The following RAD23B variants were observed in gnomAD, a reference collection of about 807,000 sequenced individuals.
The protein encoded by RAD23B is lysine-specific demethylase RAD23B.
In RAD23B, 5 loss-of-function variants were observed where a neutral mutation model predicts 49.1. The ratio of observed to expected loss-of-function variants is 0.10; its 90% CI spans 0.05 to 0.21. RAD23B has a LOEUF of 0.21. Among genes scored for constraint, RAD23B ranks in the 10% least tolerant of loss-of-function variants. RAD23B has a pLI of 1.00. For synonymous variants in RAD23B, 184 were observed against 165.4 expected (o/e 1.11, Z -0.86); for missense variants, 356 against 486.7 (o/e 0.73, Z 2.53).
intron 3 of RAD23B, among the ~76,000 whole-genome samples, chr9:107,302,604 TAACTA>T (rs1826676971): frequency 6.6e-6 from 1 of 151,540 alleles, no homozygotes; most frequent in South Asian, 2.1e-4. Context: ...AGGGAAAAGA[TAACTA>T]AAGAAATGAT....
At chr9:107,313,229 CTTCCTTTCCTT>C (rs974846598) in intron 5 of RAD23B, among the ~76,000 whole-genome samples, 1 of 150,540 alleles carries the variant, frequency 6.6e-6, no homozygotes, top group African/African-American at 2.4e-5. Flanking sequence ...TCTTTTCTTT[CTTCCTTTCCTT>C]TTCCTTTCGT....
At chr9:107,287,449 T>G (rs1833294637) in intron 1 of RAD23B, among the ~76,000 whole-genome samples, 1 of 152,236 alleles carries the variant, frequency 6.6e-6, no homozygotes, top group Non-Finnish European at 1.5e-5. Context: ...TACATATACA[T>G]TGGATGTTTT....
rs1833199444 is a variant in RAD23B, at chr9:107,283,512, C to CAAGGCG, written c.-118_-117insAAGGCG. 1.5e-6 allele frequency: 1 copy of CAAGGCG among 685,478 alleles called. No homozygotes were observed. Among genetic ancestry groups the CAAGGCG allele is most frequent in the Admixed American group, 4.3e-5 (1 of 23,198 alleles). The allele number at this position is 685,478 out of a possible 1,614,324, so 42.5% of individuals were successfully genotyped here. The stretch of plus-strand genomic sequence containing the variant: ...GAATGTGACAAGCCCCCACCCCCAC[C>CAAGGCG]GCCTTCCTCCCCAGAGCGCGAGGAG... On this transcript the variant is annotated 5_prime_UTR_variant, in exon 1 of 10. Coordinates refer to ENST00000358015, the MANE Select transcript of RAD23B (RefSeq NM_002874.5).
chr9:107,285,750 TA>T (rs367850905), intron 1 of RAD23B, among the ~76,000 whole-genome samples: 1 of 152,334 alleles, frequency 6.6e-6, no homozygotes, highest in East Asian at 1.9e-4. Flanking sequence ...GCTGTTAGTA[TA>T]AAAAAACTAA....
intron 4 of RAD23B, among the ~76,000 whole-genome samples, chr9:107,308,239 G>A (rs1329190870): frequency 4.4e-5 from 6 of 134,880 alleles, no homozygotes; most frequent in African/African-American, 1.7e-4. Context: ...TTTTTTTGGA[G>A]ACAGAGTCTT....
chr9:107,285,902 G>A (rs879697761), intron 1 of RAD23B, among the ~76,000 whole-genome samples: 5 of 152,116 alleles, frequency 3.3e-5, no homozygotes, highest in African/African-American at 2.4e-5. Context: ...TGTTTGTAGT[G>A]GGTTTTAATT....
chr9:107,320,706 G>A (rs1827092631), intron 6 of RAD23B, among the ~76,000 whole-genome samples: 1 of 152,214 alleles, frequency 6.6e-6, no homozygotes, highest in African/African-American at 2.4e-5. Flanking sequence ...TAGCAATAAA[G>A]ATGAACTTTT....
rs1827321941 is a variant in RAD23B at position 107,332,168 on chromosome 9, A to G, written c.*2512A>G. The G allele has an allele frequency of 6.2e-6, 1 of 162,518 alleles. No individual in the cohort carries two copies. The highest frequency in any genetic ancestry group is 1.3e-5 in the Non-Finnish European group (1 of 75,170). The allele number at this position is 162,518 out of a possible 1,614,324, so 10.1% of individuals were successfully genotyped here. On this transcript the variant is annotated 3_prime_UTR_variant, in exon 10 of 10. Coordinates refer to ENST00000358015, the MANE Select transcript of RAD23B (RefSeq NM_002874.5). ...GGATGGCTAGGATTCTAGAGAATTG[A>G]TTATAAAATATTTTCAATACATCCA...
chr9:107,299,775 C>T (rs1260183189), intron 1 of RAD23B, among the ~76,000 whole-genome samples: 2 of 152,088 alleles, frequency 1.3e-5, no homozygotes, highest in Non-Finnish European at 2.9e-5. Context: ...GTTGATGAGA[C>T]TGTTTTATTT....
rs570992833 is a variant in RAD23B, at chr9:107,319,842, A to G, written c.681+963A>G. 1.2e-4 allele frequency among the ~76,000 whole-genome samples: 18 copies of G among 152,320 alleles called. No homozygotes were observed. The South Asian group carries it at 3.3e-3, about 28-fold the overall frequency. ...CTTGGTATTAAGATGAAAGTCTGCT[A>G]GTTTTACAGATGTGACACAGGCTAA... On this transcript the variant is annotated intron_variant, in intron 6 of 9. Transcript: ENST00000358015.
intron 5 of RAD23B, among the ~76,000 whole-genome samples, chr9:107,316,534 G>A (rs1025639397): frequency 6.6e-6 from 1 of 152,114 alleles, no homozygotes; most frequent in African/African-American, 2.4e-5. Context: ...GTTGCTTTGT[G>A]CTCGAATTAT....
Position 107,321,978 on chromosome 9 carries a change from T to TA in RAD23B, c.682-4dup. 1 of 1,600,560 alleles carries TA rather than the reference T, an allele frequency of 6.2e-7. No homozygotes were observed. The highest frequency in any genetic ancestry group is 8.5e-7 in the Non-Finnish European group (1 of 1,175,304). On this transcript the variant is annotated splice_region_variant and splice_polypyrimidine_tract_variant and intron_variant, in intron 6 of 9. Coordinates refer to ENST00000358015, the MANE Select transcript of RAD23B (RefSeq NM_002874.5). ...ATATCTTAAAGCTTGGAAATTCTAT[T>TA]ACAGGGAATCCCTGGAGATAGAGAA...
At chr9:107,302,899 G>A (rs919761691) in intron 3 of RAD23B, among the ~76,000 whole-genome samples, 5 of 151,954 alleles carry the variant, frequency 3.3e-5, no homozygotes, top group Admixed American at 2.6e-4. Flanking sequence ...CTCGTGATCC[G>A]CCCGCCTCGG....
intron 8 of RAD23B, among the ~76,000 whole-genome samples, chr9:107,324,393 A>G (rs939655823): frequency 1.3e-5 from 2 of 151,918 alleles, no homozygotes; most frequent in African/African-American, 4.8e-5. Context: ...TTTAAGCAAC[A>G]GGAACAACTT....
chr9:107,284,321 C>G (rs142808550), intron 1 of RAD23B: 2 of 703,864 alleles, frequency 2.8e-6, no homozygotes, highest in Non-Finnish European at 3.5e-6. Flanking sequence ...TTTGAGGCCT[C>G]TTTGGTGATG....
chr9:107,322,048 T>C lies in RAD23B; in HGVS notation c.747T>C (p.Ala249=). ...CCCCTCAAGCAGCTAGTACTGGGGCTCCTCAGTCTTCAGCAGTGGCTGCAG... is the reference window on the plus strand; with the variant it reads ...CCCCTCAAGCAGCTAGTACTGGGGCCCCTCAGTCTTCAGCAGTGGCTGCAG... ...VDPPQAASTG[A]PQSSAVAAAA... Residue 249 remains alanine (A), a synonymous_variant, in exon 7 of 10, where the codon GCT becomes GCC. Transcript: ENST00000358015. 6.2e-7 allele frequency: 1 copy of C among 1,613,418 alleles called. No individual in the cohort carries two copies. Among genetic ancestry groups the C allele is most frequent in the South Asian group, 1.1e-5 (1 of 90,948 alleles).
At chr9:107,319,810 T>C (rs1191630594) in intron 6 of RAD23B, among the ~76,000 whole-genome samples, 1 of 152,216 alleles carries the variant, frequency 6.6e-6, no homozygotes, top group East Asian at 1.9e-4. Flanking sequence ...GGACATCAAC[T>C]GAAACCCTTG....
intron 6 of RAD23B, among the ~76,000 whole-genome samples, chr9:107,320,270 T>C (rs547736139): frequency 6.6e-6 from 1 of 152,376 alleles, no homozygotes; most frequent in Non-Finnish European, 1.5e-5. Flanking sequence ...GTGGAATTAA[T>C]AATTGTTGTG....
chr9:107,318,616 G>A lies in RAD23B; in HGVS notation c.554-136G>A, dbSNP rs1827041600. ...GACCATTACCTACTACATATATGTT[G>A]TAATTTATACTGTTACTCATCTTTG... On this transcript the variant is annotated intron_variant, in intron 5 of 9. Transcript: ENST00000358015. The surrounding 1 kb of genome is among the most constrained non-coding windows in gnomAD (Gnocchi z 4.3). 24 of 970,716 alleles carry A rather than the reference G, an allele frequency of 2.5e-5. 1 individual carries two copies. The South Asian group carries it at 4.4e-4, about 18-fold the overall frequency. The allele number at this position is 970,716 out of a possible 1,614,324, so 60.1% of individuals were successfully genotyped here.
Sources: gnomAD v4.1 joint callset for allele counts (sites outside exome capture counted in the v4.1 genomes callset) on GRCh38, gnomAD v4.1.1 for gene constraint, Gnocchi (gnomAD v3.1) non-coding constraint, MANE v1.5 for transcripts, NCBI Gene and HGNC (gene_info 2026-07-23, HGNC 2026-07-21) for gene names.